Variants in TCN2 observed in about 807,000 individuals in gnomAD.
TCN2 encodes transcobalamin-2.
A neutral mutation model predicts 48.6 loss-of-function variants in TCN2; 34 were observed. The ratio of observed to expected loss-of-function variants is 0.70; its 90% confidence interval spans 0.53 to 0.93. The LOEUF is 0.93. Ranked by LOEUF, TCN2 falls within the 40% of genes least tolerant of loss-of-function variation. The pLI is 0.00. For synonymous variants in TCN2, 283 were observed against 212.5 expected, an observed-to-expected ratio of 1.33 and a Z score of -2.89; for missense variants, 652 against 526.1, an observed-to-expected ratio of 1.24 and a Z score of -2.34.
Position 30,615,209 on chromosome 22 carries a change from T to C in TCN2, c.581-92T>C, listed in dbSNP as rs187429858. On this transcript the variant is annotated intron_variant, in intron 4 of 8. Transcript: ENST00000215838. ...TCTTCTCCAAGCCCTCCTGTGGTTG[T>C]CCATAGCTACAAGGGCCTGACCCTC... The C allele has an allele frequency of 2.5e-4, 344 of 1,393,914 alleles. 1 individual carries two copies. In the African/African-American group the frequency reaches 4.3e-3, roughly 17 times the overall value. The allele number at this position is 1,393,914 out of a possible 1,614,324, so 86.3% of individuals were successfully genotyped here. A position where few individuals can be genotyped will look rare whatever the true frequency, so the allele number is the denominator to read the frequency against.
rs2267163 is a variant in TCN2, at chr22:30,615,570, T to C, written c.754-31T>C. The stretch of plus-strand genomic sequence containing the variant: ...ACCTAGCCCCTCCCTGCCGGCTGAC[T>C]TCCTCTCTCTCTTCCTCACTCTATC... On this transcript the variant is annotated intron_variant, in intron 5 of 8. Transcript: ENST00000215838. 0.56 allele frequency: 905,999 copies of C among 1,613,238 alleles called. 258,768 individuals carry two copies. Among genetic ancestry groups the C allele is most frequent in the African/African-American group, 0.77 (57,545 of 74,954 alleles).
rs185755724 is a variant in TCN2, at chr22:30,616,314, T to C, written c.940+527T>C. 2.8e-3 allele frequency among the ~76,000 whole-genome samples: 430 copies of C among 152,050 alleles called. 2 individuals are homozygous for C. Among genetic ancestry groups the C allele is most frequent in the African/African-American group, 9.6e-3 (398 of 41,476 alleles). On this transcript the variant is annotated intron_variant, in intron 6 of 8. Transcript: ENST00000215838. ...GCCTGGCTAACATGGCGAAACTCCA[T>C]CTATTAAAAATACAAAAAAGTAGCT...
At chr22:30,616,276 G>A (rs1319279169) in intron 6 of TCN2, among the ~76,000 whole-genome samples, 1 of 152,240 alleles carries the variant, frequency 6.6e-6, no homozygotes, top group East Asian at 1.9e-4. Context: ...CTGAGGTCAG[G>A]AGTTCGAGAC....
intron 3 of TCN2, among the ~76,000 whole-genome samples, chr22:30,613,539 A>G (rs1247597707): frequency 2.0e-5 from 3 of 152,096 alleles, no homozygotes; most frequent in Admixed American, 2.0e-4. Context: ...TTAGCCTCCG[A>G]AAGTGCTGGG....
At chr22:30,621,445 T>G (rs561936230) in intron 7 of TCN2, among the ~76,000 whole-genome samples, 5 of 150,336 alleles carry the variant, frequency 3.3e-5, no homozygotes, top group Non-Finnish European at 7.4e-5. Flanking sequence ...GTCATTTGCA[T>G]TCTCCCAGAA....
chr22:30,622,293 C>T (rs748486638), intron 7 of TCN2, among the ~76,000 whole-genome samples: 7 of 152,212 alleles, frequency 4.6e-5, no homozygotes, highest in Non-Finnish European at 7.3e-5. Flanking sequence ...GGCCCAGGCC[C>T]ACGGAGTTTT....
intron 7 of TCN2, 172 bp downstream of exon 7, chr22:30,617,667 G>GCC (rs2087633806): frequency 1.1e-6 from 1 of 873,804 alleles, no homozygotes; most frequent in Non-Finnish European, 1.8e-6. Flanking sequence ...GAAACAGGGA[G>GCC]CCATAGGCCA....
intron 6 of TCN2, among the ~76,000 whole-genome samples, chr22:30,616,774 C>T (rs1432895864): frequency 1.3e-5 from 2 of 152,184 alleles, no homozygotes; most frequent in Non-Finnish European, 2.9e-5. Flanking sequence ...GCACTTCAGC[C>T]TGGGCGACAG....
At chr22:30,608,610 G>A (rs112812772) in intron 1 of TCN2, among the ~76,000 whole-genome samples, 5,406 of 151,444 alleles carry the variant, frequency 0.036, 127 homozygotes, top group Middle Eastern at 0.06. Flanking sequence ...GGCTGGTCTC[G>A]AACTCCTGGG....
intron 7 of TCN2, among the ~76,000 whole-genome samples, chr22:30,618,641 G>A (rs780318742): frequency 8.0e-5 from 12 of 149,976 alleles, no homozygotes; most frequent in South Asian, 2.1e-4. Context: ...ATGGGCCTCC[G>A]TGCCCGGCCA....
At chr22:30,616,311 C>T (rs2087612307) in intron 6 of TCN2, among the ~76,000 whole-genome samples, 1 of 151,884 alleles carries the variant, frequency 6.6e-6, no homozygotes, top group Non-Finnish European at 1.5e-5. Context: ...TGGCGAAACT[C>T]CATCTATTAA....
chr22:30,618,121 T>A (rs1175652200), intron 7 of TCN2, among the ~76,000 whole-genome samples: 1 of 150,750 alleles, frequency 6.6e-6, no homozygotes, highest in Non-Finnish European at 1.5e-5. Flanking sequence ...TAATTTTTTT[T>A]TTTTTTTTTT....
At chr22:30,611,829 C>T (rs773719411) in intron 2 of TCN2, among the ~76,000 whole-genome samples, 1 of 152,182 alleles carries the variant, frequency 6.6e-6, no homozygotes, top group Admixed American at 6.5e-5. Context: ...CTTTGTGCTC[C>T]CTTTTCAAGA....
intron 7 of TCN2, among the ~76,000 whole-genome samples, chr22:30,620,017 C>T (rs2087674297): frequency 6.6e-6 from 1 of 152,138 alleles, no homozygotes; most frequent in East Asian, 1.9e-4. Context: ...ATTAGCTGGG[C>T]ATGATGGTGT....
intron 7 of TCN2, 117 bp downstream of exon 7, chr22:30,617,612 T>C: frequency 7.3e-7 from 1 of 1,372,264 alleles, no homozygotes. Context: ...CTGGCCCTGC[T>C]TCTGCTTCTA....
intron 7 of TCN2, among the ~76,000 whole-genome samples, chr22:30,618,453 G>A (rs1286283178): frequency 6.6e-6 from 1 of 151,346 alleles, no homozygotes; most frequent in Non-Finnish European, 1.5e-5. Flanking sequence ...CTGGGTTCAA[G>A]TGATTGTCCT....
chr22:30,611,233 T>G, intron 2 of TCN2, 170 bp downstream of exon 2: 1 of 798,346 alleles, frequency 1.3e-6, no homozygotes, highest in Non-Finnish European at 2.1e-6. Context: ...TTGGTTGGAT[T>G]AGATCAGAGA....
intron 7 of TCN2, among the ~76,000 whole-genome samples, chr22:30,621,986 G>GTT (rs201450172): frequency 9.7e-4 from 148 of 152,256 alleles, no homozygotes; most frequent in African/African-American, 3.4e-3. Context: ...GGCCCACGGA[G>GTT]TTTGTTTTGT....
intron 1 of TCN2, among the ~76,000 whole-genome samples, chr22:30,607,798 G>A (rs1226387856): frequency 1.3e-5 from 2 of 152,064 alleles, no homozygotes; most frequent in East Asian, 3.9e-4. Context: ...GAGGCGGGAG[G>A]GGAGGATCGC....
Sources: gnomAD v4.1 joint callset for allele counts (sites outside exome capture counted in the v4.1 genomes callset) on GRCh38, gnomAD v4.1.1 for gene constraint, MANE v1.5 for transcripts, NCBI Gene and HGNC (gene_info 2026-07-23, HGNC 2026-07-21) for gene names.